The following PDE11A variants were observed in gnomAD, a reference collection of about 807,000 sequenced individuals.
PDE11A encodes the protein dual 3',5'-cyclic-AMP and -GMP phosphodiesterase 11A.
In PDE11A, 100 loss-of-function variants were observed where a neutral mutation model predicts 100.5. The observed-to-expected ratio is 1.00, with a 90% CI of 0.85 to 1.18. The LOEUF is 1.18. Among genes scored for constraint, PDE11A ranks in the 50% most tolerant of loss-of-function variants. The probability of loss-of-function intolerance (pLI) is 0.00; values close to 1 mark genes in which losing one functional copy is unlikely to be tolerated. For missense variants in PDE11A, 1,141 were observed against 1,152.6 expected (o/e 0.99, Z 0.15); for synonymous variants, 381 against 420.8 (o/e 0.91, Z 1.16).
intron 2 of PDE11A, among the ~76,000 whole-genome samples, chr2:177,985,423 T>C (rs1256001010): frequency 1.3e-5 from 2 of 152,172 alleles, no homozygotes; most frequent in Admixed American, 6.5e-5. Context: ...GTTGCTGTGA[T>C]TTGAACTAAA....
At chr2:178,040,039 C>T (rs1476787263) in intron 1 of PDE11A, among the ~76,000 whole-genome samples, 4 of 149,026 alleles carry the variant, frequency 2.7e-5, no homozygotes, top group Non-Finnish European at 4.4e-5. Flanking sequence ...TGAAAGGGCA[C>T]CAGAAGATTT....
chr2:178,031,071 A>G (rs1247484790), intron 1 of PDE11A, among the ~76,000 whole-genome samples: 1 of 152,190 alleles, frequency 6.6e-6, no homozygotes, highest in African/African-American at 2.4e-5. Context: ...AGTGTAAGGT[A>G]AAAAAATTCA....
intron 1 of PDE11A, among the ~76,000 whole-genome samples, chr2:178,050,889 C>T (rs1043295767): frequency 1.3e-5 from 2 of 152,130 alleles, no homozygotes; most frequent in Admixed American, 1.3e-4. Context: ...GATTGGTATA[C>T]CTGAAAGTGA....
intron 19 of PDE11A, among the ~76,000 whole-genome samples, chr2:177,642,765 A>G (rs2080161969): frequency 6.6e-6 from 1 of 152,092 alleles, no homozygotes; most frequent in Admixed American, 6.6e-5. Context: ...CACATCTTGG[A>G]TTGTAACTCC....
Position 177,674,103 on chromosome 2 carries a change from C to G in PDE11A, c.2487+1352G>C, listed in dbSNP as rs910713569. ...CTGACTGATGCATCATGTGAAGGAA[C>G]CCATAACACACTGCTAAGAATGAAA... On this transcript the variant is annotated intron_variant, in intron 17 of 19. Coordinates refer to ENST00000286063, the MANE Select transcript of PDE11A (RefSeq NM_016953.4). 3.3e-5 allele frequency among the ~76,000 whole-genome samples: 5 copies of G among 152,128 alleles called. No homozygotes were observed. The East Asian group carries it at 9.6e-4, about 29-fold the overall frequency.
intron 13 of PDE11A, among the ~76,000 whole-genome samples, chr2:177,707,534 A>T (rs2081298043): frequency 6.6e-6 from 1 of 152,066 alleles, no homozygotes; most frequent in Non-Finnish European, 1.5e-5. Flanking sequence ...CTCTTTGAAT[A>T]TCAGCTCCAT....
intron 9 of PDE11A, among the ~76,000 whole-genome samples, chr2:177,812,899 G>A (rs565814112): frequency 2.8e-5 from 3 of 107,782 alleles, no homozygotes; most frequent in African/African-American, 1.3e-4. Flanking sequence ...GTGATAATGA[G>A]TAATGCAGGC....
chr2:177,685,324 T>C (rs1216433982), intron 15 of PDE11A, among the ~76,000 whole-genome samples: 1 of 152,210 alleles, frequency 6.6e-6, no homozygotes, highest in African/African-American at 2.4e-5. Flanking sequence ...GGAAAAGCCC[T>C]GTCAGATTCT....
At chr2:177,940,847 T>C (rs960188199) in intron 2 of PDE11A, among the ~76,000 whole-genome samples, 6 of 152,206 alleles carry the variant, frequency 3.9e-5, no homozygotes, top group African/African-American at 1.4e-4. Flanking sequence ...CTAGAAGAAA[T>C]GGTGCTTCAT....
intron 10 of PDE11A, among the ~76,000 whole-genome samples, chr2:177,763,168 G>C (rs1279657552): frequency 6.6e-6 from 1 of 152,040 alleles, no homozygotes; most frequent in Non-Finnish European, 1.5e-5. Flanking sequence ...TGCCCTTTAG[G>C]GTGCTGATGC....
chr2:177,624,294 A>C lies in PDE11A; in HGVS notation c.*5113T>G, dbSNP rs764168248. The C allele has an allele frequency of 8.3e-6, 1 of 120,518 alleles. No homozygotes were observed. Among genetic ancestry groups the C allele is most frequent in the Admixed American group, 8.4e-5 (1 of 11,946 alleles). The allele number at this position is 120,518 out of a possible 1,614,324, so 7.5% of individuals were successfully genotyped here. On this transcript the variant is annotated 3_prime_UTR_variant, in exon 20 of 20. Transcript: ENST00000286063. ...TTTTTCAGCCAAGGCATTTTTCTTT[A>C]TATTTAAATCTTTCCCTAGTATGTC...
intron 10 of PDE11A, among the ~76,000 whole-genome samples, chr2:177,743,679 C>A (rs1348312106): frequency 6.6e-6 from 1 of 152,082 alleles, no homozygotes; most frequent in East Asian, 1.9e-4. Flanking sequence ...GAATTCACAC[C>A]CTTATAAGGC....
upstream of PDE11A, among the ~76,000 whole-genome samples, chr2:178,073,981 A>C (rs1446402338): frequency 2.6e-5 from 4 of 152,016 alleles, no homozygotes; most frequent in Non-Finnish European, 4.4e-5. Context: ...CCAAATGTCC[A>C]TCAGCTGAGG....
chr2:177,946,500 A>C (rs1436455064), intron 2 of PDE11A, among the ~76,000 whole-genome samples: 7 of 14,718 alleles, frequency 4.8e-4, no homozygotes, highest in East Asian at 2.1e-3. Context: ...CGTCCCGGGA[A>C]GGAGGTGGGG....
At chr2:177,770,623 G>A (rs2082298750) in intron 9 of PDE11A, among the ~76,000 whole-genome samples, 1 of 152,194 alleles carries the variant, frequency 6.6e-6, no homozygotes, top group African/African-American at 2.4e-5. Context: ...GAGGTGACAA[G>A]CATGGCAGTG....
intron 9 of PDE11A, among the ~76,000 whole-genome samples, chr2:177,811,863 A>G (rs2082953464): frequency 6.6e-6 from 1 of 152,318 alleles, no homozygotes; most frequent in South Asian, 2.1e-4. Flanking sequence ...TGGGATGTTC[A>G]GTGGTGTGAC....
chr2:177,827,521 G>A (rs2083244653), intron 6 of PDE11A, among the ~76,000 whole-genome samples: 1 of 152,192 alleles, frequency 6.6e-6, no homozygotes, highest in Admixed American at 6.5e-5. Context: ...AGCAAATACT[G>A]CATGTGATGG....
In PDE11A at chr2:177,677,430, C is replaced by G. The variant is rs1293161050; in HGVS notation, c.2424-1912G>C. Among the ~76,000 whole-genome samples the G allele has an allele frequency of 2.0e-5, 3 of 152,264 alleles. No homozygotes were observed. In the East Asian group the frequency reaches 5.8e-4, roughly 29 times the overall value. ...CTCTACTTCAATGAATACAGTGGAG[C>G]AAGAAGTCCATGCAGAGAAGGGAGA... On this transcript the variant is annotated intron_variant, in intron 16 of 19. Coordinates refer to ENST00000286063, the MANE Select transcript of PDE11A (RefSeq NM_016953.4).
In PDE11A at chr2:177,769,384, A is replaced by G. The variant is rs758927997; in HGVS notation, c.1738-11T>C. 50 of 1,529,340 alleles carry G rather than the reference A, an allele frequency of 3.3e-5. No individual in the cohort carries two copies. Among genetic ancestry groups the G allele is most frequent in the South Asian group, 5.6e-5 (5 of 89,264 alleles). 94.7% of individuals were successfully genotyped at this position (1,529,340 alleles called of 1,614,324 possible). On this transcript the variant is annotated splice_polypyrimidine_tract_variant and intron_variant, in intron 9 of 19. Coordinates refer to ENST00000286063, the MANE Select transcript of PDE11A (RefSeq NM_016953.4). ...ATGGTATGATAGCACCTGATTCAGA[A>G]GAAAAAAAAATAATTTTAATAACTA...
Sources: allele counts gnomAD v4.1 joint callset (sites outside exome capture counted in the v4.1 genomes callset), GRCh38; gene constraint gnomAD v4.1.1; transcripts MANE v1.5; gene names NCBI Gene and HGNC (gene_info 2026-07-23, HGNC 2026-07-21).